Variants in CNBD1 observed in about 807,000 individuals in gnomAD.
The protein encoded by CNBD1 is cyclic nucleotide binding domain containing 1, also known as cyclic nucleotide-binding domain-containing protein 1.
CNBD1 carries 71 observed loss-of-function variants against 54.4 expected under a neutral mutation model. The observed-to-expected ratio is 1.30, with a 90% confidence interval of 1.08 to 1.59. The LOEUF (loss-of-function observed/expected upper bound fraction) is 1.59. Among genes scored for constraint, CNBD1 ranks in the 40% most tolerant of loss-of-function variants. The probability of loss-of-function intolerance (pLI) is 0.00; values close to 1 mark genes in which losing one functional copy is unlikely to be tolerated. For missense variants in CNBD1, 659 were observed against 518.0 expected, an observed-to-expected ratio of 1.27 and a Z score of -2.64; for synonymous variants, 182 against 170.7, an observed-to-expected ratio of 1.07 and a Z score of -0.51.
chr8:87,204,053 G>A (rs1269036187), intron 4 of CNBD1, among the ~76,000 whole-genome samples: 5 of 152,086 alleles, frequency 3.3e-5, no homozygotes, highest in Non-Finnish European at 7.3e-5. Flanking sequence ...TGACCTGTTG[G>A]ACAAATGTAA....
intron 8 of CNBD1, among the ~76,000 whole-genome samples, chr8:87,303,891 C>G (rs1345904613): frequency 6.6e-6 from 1 of 152,160 alleles, no homozygotes; most frequent in Non-Finnish European, 1.5e-5. Context: ...AAAAAATGCT[C>G]ACCATCACTG....
intron 4 of CNBD1, among the ~76,000 whole-genome samples, chr8:87,170,508 G>A (rs1813063558): frequency 1.4e-5 from 2 of 138,722 alleles, no homozygotes; most frequent in South Asian, 4.2e-4. Context: ...AATCTTGGAG[G>A]AAAGGCTTGC....
chr8:87,322,513 A>G lies in CNBD1; in HGVS notation c.1043-29172A>G, dbSNP rs1423382755. ...TTGCCATTCTAACTGGTGTGAGATG[A>G]TATCTCATAGTGGTTTTGATTTGCA... On this transcript the variant is annotated intron_variant, in intron 8 of 10. Transcript: ENST00000518476. Among the ~76,000 whole-genome samples the G allele has an allele frequency of 4.9e-5, 6 of 121,426 alleles. 1 individual carries two copies. Among genetic ancestry groups the G allele is most frequent in the African/African-American group, 1.8e-4 (6 of 32,564 alleles). The allele number at this position is 121,426 out of a possible 152,430, so 79.7% of individuals were successfully genotyped here. A position where few individuals can be genotyped will look rare whatever the true frequency, so the allele number is the denominator to read the frequency against.
chr8:87,225,026 G>A lies in CNBD1; in HGVS notation c.578-11893G>A, dbSNP rs1374335321. 1.9e-4 allele frequency among the ~76,000 whole-genome samples: 29 copies of A among 151,770 alleles called. No homozygotes were observed. The East Asian group carries it at 1.9e-3, about 10-fold the overall frequency. On this transcript the variant is annotated intron_variant, in intron 5 of 10. Coordinates refer to ENST00000518476, the MANE Select transcript of CNBD1 (RefSeq NM_173538.3). ...AGCAATTGTGAATGGGAGTTCACTC[G>A]TGATTTGGCTCTCTGTTTGTCTGTT...
chr8:87,178,117 T>G (rs1189871982), intron 4 of CNBD1, among the ~76,000 whole-genome samples: 1 of 152,100 alleles, frequency 6.6e-6, no homozygotes, highest in African/African-American at 2.4e-5. Flanking sequence ...TTGAGCACGT[T>G]CTAAATGCCA....
chr8:87,142,935 T>G (rs973915483), intron 4 of CNBD1, among the ~76,000 whole-genome samples: 1 of 152,116 alleles, frequency 6.6e-6, no homozygotes, highest in African/African-American at 2.4e-5. Context: ...CAGACATAAT[T>G]CTAGACATCC....
chr8:87,408,539 CT>C (rs1391285289), intron 2 of CNBD1, among the ~76,000 whole-genome samples: 1 of 152,016 alleles, frequency 6.6e-6, no homozygotes, highest in African/African-American at 2.4e-5. Context: ...CTTTGGGCTG[CT>C]TTTTTCTTTT....
chr8:87,025,153 T>C (rs1046166763), intron 4 of CNBD1, among the ~76,000 whole-genome samples: 13 of 152,032 alleles, frequency 8.6e-5, no homozygotes, highest in African/African-American at 3.1e-4. Context: ...TCTAAAGGAT[T>C]GTAAACGCAC....
intron 4 of CNBD1, among the ~76,000 whole-genome samples, chr8:86,950,223 G>A (rs1057054813): frequency 1.3e-5 from 2 of 151,626 alleles, no homozygotes; most frequent in African/African-American, 4.8e-5. Flanking sequence ...ACCACGCCTG[G>A]CAAATTTTTG....
chr8:87,180,308 T>C (rs1813285344), intron 4 of CNBD1, among the ~76,000 whole-genome samples: 1 of 152,212 alleles, frequency 6.6e-6, no homozygotes, highest in Admixed American at 6.5e-5. Context: ...ATATTTTCCA[T>C]GTATTTTGGA....
intron 4 of CNBD1, among the ~76,000 whole-genome samples, chr8:87,002,562 G>A (rs1809014634): frequency 6.6e-6 from 1 of 150,458 alleles, no homozygotes; most frequent in South Asian, 2.1e-4. Context: ...CATCTCCTTT[G>A]CACTTACTCT....
At chr8:87,346,687 A>G (rs1810182657) in intron 8 of CNBD1, among the ~76,000 whole-genome samples, 1 of 152,154 alleles carries the variant, frequency 6.6e-6, no homozygotes, top group Non-Finnish European at 1.5e-5. Context: ...TATATTTGCT[A>G]ATAGAGCATG....
At chr8:87,134,979 T>A (rs948358421) in intron 4 of CNBD1, among the ~76,000 whole-genome samples, 20 of 152,136 alleles carry the variant, frequency 1.3e-4, no homozygotes, top group African/African-American at 4.6e-4. Flanking sequence ...ATTTTGAGGC[T>A]TATAGTGTTT....
chr8:87,258,890 G>A (rs564073745), intron 6 of CNBD1, among the ~76,000 whole-genome samples: 81 of 152,200 alleles, frequency 5.3e-4, no homozygotes, highest in South Asian at 1.2e-3. Flanking sequence ...TTCACACAGA[G>A]TGTTTTCACA....
chr8:87,394,727 CT>C (rs1811377892), intron 2 of CNBD1, among the ~76,000 whole-genome samples: 1 of 151,838 alleles, frequency 6.6e-6, no homozygotes. Flanking sequence ...ATAAACTCTT[CT>C]TTATTTTTTA....
At chr8:87,314,284 C>T (rs561045425) in intron 8 of CNBD1, among the ~76,000 whole-genome samples, 5 of 150,978 alleles carry the variant, frequency 3.3e-5, no homozygotes, top group Non-Finnish European at 5.9e-5. Context: ...TTCATTTATT[C>T]TAGGAATTCA....
intron 2 of CNBD1, among the ~76,000 whole-genome samples, chr8:87,422,011 T>G (rs1807948366): frequency 6.7e-6 from 1 of 149,646 alleles, no homozygotes; most frequent in Non-Finnish European, 1.5e-5. Context: ...TGATTTGCAT[T>G]TCTCTGATGG....
intron 8 of CNBD1, among the ~76,000 whole-genome samples, chr8:87,323,124 G>A (rs2130901776): frequency 8.4e-6 from 1 of 119,318 alleles, no homozygotes; most frequent in Middle Eastern, 4.2e-3. Context: ...TAGGTATGCA[G>A]CATTATTTCT....
intron 6 of CNBD1, among the ~76,000 whole-genome samples, chr8:87,264,705 A>G: frequency 6.6e-6 from 1 of 152,090 alleles, no homozygotes; most frequent in East Asian, 1.9e-4. Context: ...CTGGTGTGAG[A>G]TGATATCTCA....
Sources: gnomAD v4.1 joint callset for allele counts (sites outside exome capture counted in the v4.1 genomes callset) on GRCh38, gnomAD v4.1.1 for gene constraint, MANE v1.5 for transcripts, NCBI Gene and HGNC (gene_info 2026-07-23, HGNC 2026-07-21) for gene names.